The following ENTREP2 variants were observed in gnomAD, a reference collection of about 807,000 sequenced individuals.
The protein encoded by ENTREP2 is endosomal transmembrane epsin interactor 2, also known as protein ENTREP2.
At chr15:29,210,307 G>GCACATTCT in the ENTREP2 span, among the ~76,000 whole-genome samples, 2 of 152,190 alleles carry the variant, frequency 1.3e-5, no homozygotes, top group African/African-American at 4.8e-5. Flanking sequence ...AAACGTGCCT[G>GCACATTCT]CACATTCTTC....
the ENTREP2 span, among the ~76,000 whole-genome samples, chr15:29,270,005 C>A: frequency 6.6e-6 from 1 of 152,148 alleles, no homozygotes; most frequent in Admixed American, 6.6e-5. Flanking sequence ...ACCGAAACTC[C>A]TAAACAAGTG....
At chr15:29,649,651 TG>T in the ENTREP2 span, among the ~76,000 whole-genome samples, 2 of 140,312 alleles carry the variant, frequency 1.4e-5, no homozygotes, top group Admixed American at 1.6e-4. Context: ...ACCTGGGAGA[TG>T]GAAGTTGCAG....
the ENTREP2 span, among the ~76,000 whole-genome samples, chr15:29,322,832 G>A: frequency 1.3e-5 from 2 of 152,072 alleles, no homozygotes; most frequent in African/African-American, 4.8e-5. Flanking sequence ...ATCCTCTTGG[G>A]AAAAAGTAAG....
the ENTREP2 span, among the ~76,000 whole-genome samples, chr15:29,560,221 G>A: frequency 1.3e-5 from 2 of 152,198 alleles, no homozygotes; most frequent in Admixed American, 6.5e-5. Flanking sequence ...TGGGTGAATG[G>A]TGGTTCCACT....
the ENTREP2 span, among the ~76,000 whole-genome samples, chr15:29,509,405 TA>T: frequency 6.6e-6 from 1 of 152,164 alleles, no homozygotes; most frequent in East Asian, 1.9e-4. Context: ...AAAATTACTT[TA>T]AATTTCATAT....
chr15:29,629,738 T>G, the ENTREP2 span, among the ~76,000 whole-genome samples: 1 of 152,214 alleles, frequency 6.6e-6, no homozygotes, highest in African/African-American at 2.4e-5. Context: ...ATTCTATTGT[T>G]TTTTTCTTTC....
the ENTREP2 span, among the ~76,000 whole-genome samples, chr15:29,325,726 G>A: frequency 6.6e-6 from 1 of 152,142 alleles, no homozygotes; most frequent in Non-Finnish European, 1.5e-5. Context: ...CAGAAGCAGA[G>A]GGAACGCTTC....
the ENTREP2 span, among the ~76,000 whole-genome samples, chr15:29,387,335 A>G: frequency 3.3e-5 from 5 of 152,348 alleles, no homozygotes; most frequent in African/African-American, 9.6e-5. Context: ...ACAGACAAAA[A>G]GAGAGCCAAA....
the ENTREP2 span, among the ~76,000 whole-genome samples, chr15:29,291,544 G>A: frequency 2.6e-5 from 4 of 152,138 alleles, no homozygotes; most frequent in Non-Finnish European, 4.4e-5. Context: ...AGGGCCCTGA[G>A]GCACAAATCA....
At chr15:29,604,854 C>T in the ENTREP2 span, among the ~76,000 whole-genome samples, 1 of 152,136 alleles carries the variant, frequency 6.6e-6, no homozygotes, top group Non-Finnish European at 1.5e-5. Flanking sequence ...GACTTGGCCC[C>T]CAAAGGGTGG....
chr15:29,355,792 G>A, the ENTREP2 span, among the ~76,000 whole-genome samples: 1 of 152,290 alleles, frequency 6.6e-6, no homozygotes, highest in African/African-American at 2.4e-5. Flanking sequence ...AGAGATGAAT[G>A]AAAATTCAGA....
At chr15:29,570,880 G>A in the ENTREP2 span, among the ~76,000 whole-genome samples, 5 of 144,698 alleles carry the variant, frequency 3.5e-5, no homozygotes, top group African/African-American at 7.4e-5. Context: ...GAGCGGGCCG[G>A]GCCGGGCGGG....
chr15:29,369,269 T>G, the ENTREP2 span, among the ~76,000 whole-genome samples: 3 of 152,114 alleles, frequency 2.0e-5, no homozygotes, highest in Non-Finnish European at 4.4e-5. Flanking sequence ...AAGAGATCCA[T>G]GCCTAGACAT....
chr15:29,412,562 A>C, the ENTREP2 span, among the ~76,000 whole-genome samples: 8,437 of 152,208 alleles, frequency 0.055, 257 homozygotes, highest in African/African-American at 0.086. Flanking sequence ...TCTATAACTT[A>C]AGTTCTGTTA....
At chr15:29,460,270 G>A in the ENTREP2 span, among the ~76,000 whole-genome samples, 1 of 151,698 alleles carries the variant, frequency 6.6e-6, no homozygotes, top group East Asian at 1.9e-4. Context: ...AACAAAGACA[G>A]CTATTTCAGA....
chr15:29,233,779 G>C, the ENTREP2 span: 1 of 1,544,088 alleles, frequency 6.5e-7, no homozygotes, highest in East Asian at 2.2e-5. Flanking sequence ...GATGTGTGTG[G>C]TGTCCAGATG....
chr15:29,332,978 A>G, the ENTREP2 span, among the ~76,000 whole-genome samples: 3 of 150,784 alleles, frequency 2.0e-5, no homozygotes, highest in African/African-American at 4.9e-5. Context: ...AAAAAAAAAA[A>G]CCCTTTATAC....
the ENTREP2 span, among the ~76,000 whole-genome samples, chr15:29,647,738 C>T: frequency 1.3e-5 from 2 of 152,142 alleles, no homozygotes; most frequent in Non-Finnish European, 2.9e-5. Flanking sequence ...GACTTTGCCT[C>T]ATATATACCT....
At chr15:29,585,082 T>C in the ENTREP2 span, among the ~76,000 whole-genome samples, 4 of 152,154 alleles carry the variant, frequency 2.6e-5, no homozygotes, top group African/African-American at 9.7e-5. Context: ...AAGTTAAAGA[T>C]GAATACAAAT....
Sources: gnomAD v4.1 joint callset for allele counts (sites outside exome capture counted in the v4.1 genomes callset) on GRCh38, gnomAD v4.1.1 for gene constraint, MANE v1.5 for transcripts, NCBI Gene and HGNC (gene_info 2026-07-23, HGNC 2026-07-21) for gene names.